The following SP2 variants were observed in gnomAD, a reference collection of about 807,000 sequenced individuals.
The protein encoded by SP2 is Sp2 transcription factor.
A neutral mutation model predicts 50.1 loss-of-function variants in SP2; 9 were observed. That is an observed-to-expected ratio of 0.18 (90% CI 0.11 to 0.31). SP2 has a LOEUF of 0.31. SP2 is among the 10% of genes least tolerant of loss of function. The probability of loss-of-function intolerance (pLI) is 1.00; values close to 1 mark genes in which losing one functional copy is unlikely to be tolerated. For synonymous variants in SP2, 313 were observed against 326.6 expected, an observed-to-expected ratio of 0.96 and a Z score of 0.45; for missense variants, 581 against 806.5, an observed-to-expected ratio of 0.72 and a Z score of 3.39.
At chr17:47,911,157 C>T (rs947953137) in intron 1 of SP2, among the ~76,000 whole-genome samples, 2 of 152,092 alleles carry the variant, frequency 1.3e-5, no homozygotes, top group Admixed American at 1.3e-4. Flanking sequence ...GCCCAGGAGG[C>T]AGAGGTTGCG....
At chr17:47,918,397 A>AT (rs751285002) in intron 3 of SP2, 6 of 152,144 alleles carry the variant, frequency 3.9e-5, no homozygotes, top group Admixed American at 3.9e-4. Flanking sequence ...TTGCCAGGTG[A>AT]TTTTTTATAA....
In SP2 at chr17:47,923,028, G is replaced by A. The variant is rs1204057703; in HGVS notation, c.1126G>A (p.Ala376Thr). 1.2e-6 allele frequency: 2 copies of A among 1,614,028 alleles called. No individual in the cohort carries two copies. The highest frequency in any genetic ancestry group is 1.7e-6 in the Non-Finnish European group (2 of 1,180,030). Residue 376 changes from alanine (A) to threonine (T), a missense_variant, in exon 4 of 7, where the codon GCT (alanine) becomes ACT (threonine). Physicochemically the swap from Ala to Thr is moderately conservative, Grantham distance 58. This residue lies in a region of SP2 where 397 missense variants were observed against 491.0 expected (regional missense o/e 0.81). Coordinates refer to ENST00000376741, the MANE Select transcript of SP2 (RefSeq NM_003110.6). ...TGTCCAGGACAGCCCCCCAGCAACA[G>A]CTGCAGCCACCTCTAACACCACCTG... The part of the protein sequence containing the change: ...VLVQDSPPAT[A>T]AATSNTTCSS...
chr17:47,905,829 G>C lies in SP2; in HGVS notation c.8-9483G>C, dbSNP rs145596391. ...CAGGAAAGGCTTTCGCTGAGTGAGA[G>C]TATAAATGAGCTCTAAAGGACAGGA... On this transcript the variant is annotated intron_variant, in intron 1 of 6. Coordinates refer to ENST00000376741, the MANE Select transcript of SP2 (RefSeq NM_003110.6). 4.6e-3 allele frequency among the ~76,000 whole-genome samples: 708 copies of C among 152,320 alleles called. 5 individuals carry two copies. The highest frequency in any genetic ancestry group is 0.014 in the African/African-American group (578 of 41,550).
At chr17:47,931,310 G>C (rs1439772027), downstream of SP2, among the ~76,000 whole-genome samples, 1 of 152,134 alleles carries the variant, frequency 6.6e-6, no homozygotes, top group Non-Finnish European at 1.5e-5. Flanking sequence ...TCGTGCCACT[G>C]CACTCCAGCC....
At chr17:47,913,211 G>A (rs182431807) in intron 1 of SP2, among the ~76,000 whole-genome samples, 24 of 150,326 alleles carry the variant, frequency 1.6e-4, no homozygotes, top group African/African-American at 4.2e-4. Flanking sequence ...CAACCCCTGC[G>A]CCTTTTTGTT....
chr17:47,923,182 C>G lies in SP2; in HGVS notation c.1280C>G (p.Ala427Gly). ...PAGSIISLNA[A>G]QLAAAAQAMQ... is the part of the protein sequence containing the mutation. ...GGGAGCATCATCAGCCTGAATGCAGCCCAGTTGGCGGCAGCTGCCCAGGCA... is the reference window on the plus strand; with the variant it reads ...GGGAGCATCATCAGCCTGAATGCAGGCCAGTTGGCGGCAGCTGCCCAGGCA... The change falls in exon 4 of 7, where the codon GCC (alanine) becomes GGC (glycine). Residue 427 changes from alanine (A) to glycine (G), a missense_variant. Coordinates refer to ENST00000376741, the MANE Select transcript of SP2 (RefSeq NM_003110.6). The G allele has an allele frequency of 6.2e-7, 1 of 1,614,102 alleles. No homozygotes were observed.
chr17:47,913,307 C>T (rs1188937155), intron 1 of SP2, among the ~76,000 whole-genome samples: 1 of 151,856 alleles, frequency 6.6e-6, no homozygotes, highest in East Asian at 1.9e-4. Context: ...TAGGGCACTG[C>T]AGCCTCAAAT....
intron 3 of SP2, chr17:47,918,404 A>G (rs1285288093): frequency 6.6e-6 from 1 of 152,128 alleles, no homozygotes; most frequent in African/African-American, 2.4e-5. Flanking sequence ...GTGATTTTTT[A>G]TAAGTCATCT....
At chr17:47,902,962 G>A (rs1429431623) in intron 1 of SP2, among the ~76,000 whole-genome samples, 1 of 152,108 alleles carries the variant, frequency 6.6e-6, no homozygotes, top group Non-Finnish European at 1.5e-5. Context: ...CGCCATGTTG[G>A]CCAGGCTGGT....
chr17:47,917,759 A>T (rs560145966), intron 3 of SP2: 1 of 445,456 alleles, frequency 2.2e-6, no homozygotes, highest in Admixed American at 2.4e-5. Flanking sequence ...CTACAGGTGT[A>T]TGTCACCATG....
chr17:47,919,040 C>T (rs1429883927), intron 3 of SP2, among the ~76,000 whole-genome samples: 1 of 152,152 alleles, frequency 6.6e-6, no homozygotes, highest in African/African-American at 2.4e-5. Context: ...CACACACACA[C>T]ACAAAATCAG....
At position 47,927,811 on chromosome 17, in the gene SP2, C is replaced by T. The variant is rs374602267; in HGVS notation, c.1829C>T (p.Thr610Met). ...AAGCATTACAAGACCCACCTGGTCA[C>T]GAAGAACTTGTAAGGCCAACTGCGG... is the stretch of plus-strand genomic sequence containing the variant. ...LTKHYKTHLV[T>M]KNL The change falls in exon 7 of 7, where the codon ACG becomes ATG. Residue 610 changes from threonine (T) to methionine (M), a missense_variant. By Grantham distance (81) the Thr-to-Met change is moderately conservative. Transcript: ENST00000376741. The T allele has an allele frequency of 1.0e-5, 16 of 1,589,552 alleles. No homozygotes were observed. In the Admixed American group the frequency reaches 1.8e-4, roughly 18 times the overall value.
intron 1 of SP2, among the ~76,000 whole-genome samples, chr17:47,911,663 G>A (rs1252119287): frequency 3.3e-5 from 5 of 152,036 alleles, no homozygotes; most frequent in African/African-American, 7.2e-5. Flanking sequence ...AAAATTAGCC[G>A]GGCGTGGTGG....
intron 1 of SP2, among the ~76,000 whole-genome samples, chr17:47,906,560 A>C (rs1298284062): frequency 6.6e-6 from 1 of 152,192 alleles, no homozygotes; most frequent in African/African-American, 2.4e-5. Context: ...CTGTTACATA[A>C]TGGCTCTTAA....
chr17:47,914,644 C>G (rs2035119669), intron 1 of SP2: 1 of 152,368 alleles, frequency 6.6e-6, no homozygotes, highest in African/African-American at 2.4e-5. Flanking sequence ...TATGGAGAGC[C>G]AGCAGTGCCC....
At chr17:47,929,209 G>C (rs1243477450), downstream of SP2, among the ~76,000 whole-genome samples, 1 of 152,254 alleles carries the variant, frequency 6.6e-6, no homozygotes, top group East Asian at 1.9e-4. Context: ...TTTTTCTTCT[G>C]TAAGCCAGTT....
chr17:47,901,421 A>G (rs11653445), intron 1 of SP2, among the ~76,000 whole-genome samples: 45,457 of 151,390 alleles, frequency 0.3, 7,518 homozygotes, highest in East Asian at 0.52. Context: ...CTAGGATTAC[A>G]GGCGTGAGCC....
In SP2 at chr17:47,916,954, C is replaced by G; in HGVS notation, c.883C>G (p.Pro295Ala). The G allele has an allele frequency of 1.2e-6, 2 of 1,614,132 alleles. No homozygotes were observed. Among genetic ancestry groups the G allele is most frequent in the Non-Finnish European group, 1.7e-6 (2 of 1,180,014 alleles). ...TGTTCAGAGCCCTGGTGGGGGCCAG[C>G]CAGCTGTGGTCCAGCAGGTCCAGGT... ...LIVQSPGGGQ[P>A]AVVQQVQVVP... Residue 295 changes from proline to alanine, a missense_variant, in exon 3 of 7, where the codon CCA (proline) becomes GCA (alanine). Pro to Ala is a conservative substitution (Grantham distance 27). Around this residue, in one of 2 missense-constraint regions of SP2, gnomAD observed 397 missense variants for 491.0 expected, o/e 0.81. Coordinates refer to ENST00000376741, the MANE Select transcript of SP2 (RefSeq NM_003110.6). The surrounding 1 kb of genome is among the most constrained non-coding windows in gnomAD (Gnocchi z 4.7).
chr17:47,905,135 C>G (rs2034707598), intron 1 of SP2, among the ~76,000 whole-genome samples: 1 of 152,178 alleles, frequency 6.6e-6, no homozygotes, highest in Non-Finnish European at 1.5e-5. Context: ...AATTTGGAGT[C>G]TTTCACTACC....
Sources: gnomAD v4.1 joint callset for allele counts (sites outside exome capture counted in the v4.1 genomes callset) on GRCh38, gnomAD v4.1.1 for gene constraint, gnomAD v4.1.1 regional missense constraint, Gnocchi (gnomAD v3.1) non-coding constraint, MANE v1.5 for transcripts, NCBI Gene and HGNC (gene_info 2026-07-23, HGNC 2026-07-21) for gene names.